The following FIGLA variants were observed in gnomAD, a reference collection of about 807,000 sequenced individuals.
The protein encoded by FIGLA is folliculogenesis specific bHLH transcription factor.
FIGLA carries 17 observed loss-of-function variants against 21.5 expected under a neutral mutation model. The ratio of observed to expected loss-of-function variants is 0.79; its 90% CI spans 0.54 to 1.19. The LOEUF (loss-of-function observed/expected upper bound fraction) is 1.19. FIGLA is among the 50% of genes most tolerant of loss of function. The probability of loss-of-function intolerance (pLI) is 0.00; values close to 1 mark genes in which losing one functional copy is unlikely to be tolerated. For missense variants in FIGLA, 282 were observed against 285.0 expected (o/e 0.99, Z 0.08); for synonymous variants, 129 against 117.6 (o/e 1.10, Z -0.63).
At chr2:70,777,838 G>C (rs1331594230) in intron 3 of FIGLA, among the ~76,000 whole-genome samples, 167 bp from the exon 4 acceptor site, 2 of 152,142 alleles carry the variant, frequency 1.3e-5, no homozygotes, top group African/African-American at 4.8e-5. Flanking sequence ...GGCACACAAT[G>C]TTATGTACCT....
rs1212496224 is a variant in FIGLA, at chr2:70,790,627, C to A, written c.12G>T (p.Ala4=). Residue 4 remains alanine (A), a synonymous_variant, in exon 1 of 5, where the codon GCG becomes GCT. Transcript: ENST00000332372. MDP[A]PGVLDPRAAP... is the part of the protein sequence containing the mutation. ...CGGCGCGGGGATCTAGGACGCCGGG[C>A]GCGGGGTCCATGGCAGGGCCGAGGC... 10 of 1,414,542 alleles carry A rather than the reference C, an allele frequency of 7.1e-6. No individual in the cohort carries two copies. The highest frequency in any genetic ancestry group is 5.7e-5 in the Admixed American group (2 of 35,386). 87.6% of individuals were successfully genotyped at this position (1,414,542 alleles called of 1,614,324 possible). A position where few individuals can be genotyped will look rare whatever the true frequency, so the allele number is the denominator to read the frequency against.
chr2:70,785,021 T>C (rs983127648), intron 3 of FIGLA, among the ~76,000 whole-genome samples: 2 of 151,578 alleles, frequency 1.3e-5, no homozygotes, highest in African/African-American at 2.4e-5. Flanking sequence ...CTGGAGACCA[T>C]AGAGTCCAGA....
chr2:70,789,154 A>G (rs1462026394), intron 1 of FIGLA, among the ~76,000 whole-genome samples: 2 of 99,446 alleles, frequency 2.0e-5, no homozygotes, highest in African/African-American at 1.2e-4. Flanking sequence ...ATTTTGTAAA[A>G]ATTATATATA....
At position 70,787,629 on chromosome 2, in the gene FIGLA, C is replaced by T. The variant is rs1675979633; in HGVS notation, c.384+20G>A. 10 of 1,551,012 alleles carry T rather than the reference C, an allele frequency of 6.4e-6. No homozygotes were observed. Among genetic ancestry groups the T allele is most frequent in the African/African-American group, 1.4e-5 (1 of 73,060 alleles). ...CTAATAAATGGTGGCTATCATTATT[C>T]TAAAATCTTACACCTTTACCTTTGA... On this transcript the variant is annotated intron_variant, in intron 2 of 4. Transcript: ENST00000332372.
intron 3 of FIGLA, among the ~76,000 whole-genome samples, chr2:70,779,328 C>A (rs11904033): frequency 6.6e-6 from 1 of 152,104 alleles, no homozygotes; most frequent in Admixed American, 6.5e-5. Flanking sequence ...ATTGGTGAAC[C>A]CCAGGGCAGA....
chr2:70,786,333 C>G (rs930470291), intron 2 of FIGLA, among the ~76,000 whole-genome samples: 4 of 150,072 alleles, frequency 2.7e-5, no homozygotes, highest in African/African-American at 7.4e-5. Context: ...GGGACAGAGT[C>G]TCGCTCTGTT....
rs532501885 is a variant in FIGLA at position 70,785,698 on chromosome 2, A to G, written c.385-59T>C. 3.8e-6 allele frequency: 5 copies of G among 1,306,948 alleles called. No homozygotes were observed. In the South Asian group the frequency reaches 6.1e-5, roughly 16 times the overall value. 81.0% of individuals were successfully genotyped at this position (1,306,948 alleles called of 1,614,324 possible). Reference sequence around the variant, plus strand: ...TATGACAGAAAGATTTTGATGACTTAAACTAATATATTTCAAAGTTTTAAC... The same window carrying G: ...TATGACAGAAAGATTTTGATGACTTGAACTAATATATTTCAAAGTTTTAAC... On this transcript the variant is annotated intron_variant, in intron 2 of 4. Coordinates refer to ENST00000332372, the MANE Select transcript of FIGLA (RefSeq NM_001004311.3).
chr2:70,778,635 T>A (rs1249500496), intron 3 of FIGLA, among the ~76,000 whole-genome samples: 1 of 152,196 alleles, frequency 6.6e-6, no homozygotes, highest in Non-Finnish European at 1.5e-5. Context: ...TTTTTAAGAA[T>A]TAGCTGGAAA....
rs1028631171 is a variant in FIGLA at position 70,785,743 on chromosome 2, T to C, written c.385-104A>G. ...TTTAACTGATGAGGTTTCATTTAAA[T>C]GATAAGGGCAATGCTTAAGTCATTA... is the stretch of plus-strand genomic sequence containing the variant. On this transcript the variant is annotated intron_variant, in intron 2 of 4. Transcript: ENST00000332372. The C allele has an allele frequency of 6.4e-5, 54 of 844,978 alleles. No homozygotes were observed. In the African/African-American group the frequency reaches 8.9e-4, roughly 14 times the overall value. 52.3% of individuals were successfully genotyped at this position (844,978 alleles called of 1,614,324 possible).
At position 70,777,651 on chromosome 2, in the gene FIGLA, T is replaced by G; in HGVS notation, c.630A>C (p.Glu210Asp). Residue 210 changes from glutamate (E) to aspartate (D), a missense_variant, in exon 4 of 5, where the codon GAA (glutamate) becomes GAC (aspartate). Glu to Asp is a conservative substitution (Grantham distance 45, BLOSUM62 2). Coordinates refer to ENST00000332372, the MANE Select transcript of FIGLA (RefSeq NM_001004311.3). ...GAATGACCTACCTGTGACTCAGCAGTTCTACTTCTGGGAATCTATCCTGCA... is the reference window on the plus strand; with the variant it reads ...GAATGACCTACCTGTGACTCAGCAGGTCTACTTCTGGGAATCTATCCTGCA... ...TRSLDRFPEVELLSHRLPQV is the reference protein window; with the variant it reads ...TRSLDRFPEVDLLSHRLPQV 4 of 1,576,478 alleles carry G rather than the reference T, an allele frequency of 2.5e-6. No homozygotes were observed. The highest frequency in any genetic ancestry group is 3.5e-6 in the Non-Finnish European group (4 of 1,149,430).
intron 2 of FIGLA, among the ~76,000 whole-genome samples, chr2:70,787,115 AT>A (rs1675970530): frequency 6.6e-6 from 1 of 152,160 alleles, no homozygotes; most frequent in Non-Finnish European, 1.5e-5. Flanking sequence ...TTACAGGGCC[AT>A]TTGTGTCATT....
At chr2:70,777,750 A>T in intron 3 of FIGLA, 79 bp from the exon 4 acceptor site, 1 of 699,898 alleles carries the variant, frequency 1.4e-6, no homozygotes, top group Non-Finnish European at 2.4e-6. Flanking sequence ...AAAACTGAGA[A>T]CATAGTGGCC....
intron 3 of FIGLA, among the ~76,000 whole-genome samples, chr2:70,784,089 A>G (rs1056705564): frequency 7.0e-6 from 1 of 142,040 alleles, no homozygotes; most frequent in Non-Finnish European, 1.5e-5. Flanking sequence ...GCGAAATCTT[A>G]TATCTCAAGT....
intron 3 of FIGLA, among the ~76,000 whole-genome samples, chr2:70,781,395 G>A (rs1281395728): frequency 6.6e-6 from 1 of 152,118 alleles, no homozygotes; most frequent in Admixed American, 6.5e-5. Flanking sequence ...AAACAGAAAG[G>A]CTGCCAGCTT....
intron 2 of FIGLA, among the ~76,000 whole-genome samples, chr2:70,786,452 T>C (rs1268542414): frequency 6.6e-6 from 1 of 151,996 alleles, no homozygotes; most frequent in Non-Finnish European, 1.5e-5. Flanking sequence ...TACCGGCGCC[T>C]GCCACCACGC....
chr2:70,790,266 A>T (rs1553390640), intron 1 of FIGLA, 142 bp downstream of exon 1: 1 of 734,544 alleles, frequency 1.4e-6, no homozygotes, highest in East Asian at 3.3e-5. Flanking sequence ...TTCTCCTGAC[A>T]AGCTGGGGGC....
At position 70,779,701 on chromosome 2, in the gene FIGLA, A is replaced by G. The variant is rs370224336; in HGVS notation, c.610-2030T>C. Among the ~76,000 whole-genome samples the G allele has an allele frequency of 4.4e-4, 67 of 152,272 alleles. 2 individuals are homozygous for G. In the South Asian group the frequency reaches 0.014, roughly 32 times the overall value. ...GGCAGCATACCAAGGCCCCTGTAACAGATACTATGTCTCTCCATATGTCCC... is the reference window on the plus strand; with the variant it reads ...GGCAGCATACCAAGGCCCCTGTAACGGATACTATGTCTCTCCATATGTCCC... On this transcript the variant is annotated intron_variant, in intron 3 of 4. Coordinates refer to ENST00000332372, the MANE Select transcript of FIGLA (RefSeq NM_001004311.3).
At chr2:70,780,520 G>A (rs1675835558) in intron 3 of FIGLA, among the ~76,000 whole-genome samples, 1 of 152,178 alleles carries the variant, frequency 6.6e-6, no homozygotes. Flanking sequence ...GTCAGCCTGA[G>A]CATCACTTCC....
intron 3 of FIGLA, among the ~76,000 whole-genome samples, chr2:70,784,448 T>C (rs1351019853): frequency 6.6e-6 from 1 of 152,222 alleles, no homozygotes; most frequent in African/African-American, 2.4e-5. Flanking sequence ...TGGAGTTAGT[T>C]ATCTTATATA....
Sources: gnomAD v4.1 joint callset for allele counts (sites outside exome capture counted in the v4.1 genomes callset) on GRCh38, gnomAD v4.1.1 for gene constraint, MANE v1.5 for transcripts, NCBI Gene and HGNC (gene_info 2026-07-23, HGNC 2026-07-21) for gene names.